The following HUWE1 variants were observed in gnomAD, a reference collection of about 807,000 sequenced individuals.
HUWE1 encodes HECT, UBA and WWE domain containing E3 ubiquitin protein ligase 1.
Under a neutral mutation model 299.4 loss-of-function variants are expected in HUWE1, and 18 were observed. The ratio of observed to expected loss-of-function variants is 0.06; its 90% CI spans 0.04 to 0.09. The LOEUF is 0.09. Ranked by LOEUF, HUWE1 falls within the 10% of genes least tolerant of loss-of-function variation. The probability of loss-of-function intolerance (pLI) is 1.00; values close to 1 mark genes in which losing one functional copy is unlikely to be tolerated. For missense variants in HUWE1, 1,832 were observed against 3,462.3 expected, an observed-to-expected ratio of 0.53 and a Z score of 11.82; for synonymous variants, 1,317 against 1,286.1, an observed-to-expected ratio of 1.02 and a Z score of -0.51.
chrX:53,607,721 A>T lies in HUWE1; in HGVS notation c.2320-22T>A, dbSNP rs201870800. The T allele has an allele frequency of 1.1e-4, 116 of 1,089,506 alleles. No individual in the cohort carries two copies. The African/African-American group carries it at 1.9e-3, about 18-fold the overall frequency. 89.8% of individuals were successfully genotyped at this position (1,089,506 alleles called of 1,213,427 possible). ...TCATCTAGGTAATAAAAATTTTTTA[A>T]AGAAGTTAGAGCCTGACAGGTGGAA... On this transcript the variant is annotated intron_variant, in intron 24 of 83. Transcript: ENST00000262854.
chrX:53,566,984 C>T (rs1683676749), intron 49 of HUWE1, among the ~76,000 whole-genome samples: 1 of 111,389 alleles, frequency 9.0e-6, no homozygotes, highest in Admixed American at 9.5e-5. Context: ...TCAAAACACT[C>T]TCCCTCAGAG....
chrX:53,544,503 G>C lies in HUWE1; in HGVS notation c.11251+57C>G, dbSNP rs189563757. The C allele has an allele frequency of 0.026, 25,275 of 987,074 alleles. 578 individuals are homozygous for C. The highest frequency in any genetic ancestry group is 0.15 in the Admixed American group (6,531 of 43,069). 81.3% of individuals were successfully genotyped at this position (987,074 alleles called of 1,213,427 possible). A position where few individuals can be genotyped will look rare whatever the true frequency, so the allele number is the denominator to read the frequency against. On this transcript the variant is annotated intron_variant, in intron 72 of 83. Coordinates refer to ENST00000262854, the MANE Select transcript of HUWE1 (RefSeq NM_031407.7). Reference sequence around the variant, plus strand: ...GGCCGTTAAGTCCTGCACCTCCAAGGAATCTGGCTTTACCGCCACCAACCC... The same window carrying C: ...GGCCGTTAAGTCCTGCACCTCCAAGCAATCTGGCTTTACCGCCACCAACCC...
intron 82 of HUWE1, 118 bp from the exon 83 acceptor site, chrX:53,534,315 G>T: frequency 1.4e-6 from 1 of 736,493 alleles, no homozygotes; most frequent in Non-Finnish European, 2.1e-6. Flanking sequence ...CCCTTCTGTG[G>T]GATGAGCTTT....
intron 7 of HUWE1, among the ~76,000 whole-genome samples, chrX:53,644,800 C>T (rs1464773117): frequency 8.9e-6 from 1 of 111,968 alleles, no homozygotes; most frequent in African/African-American, 3.3e-5. Context: ...TCTGGGAACA[C>T]TGGACAATAG....
At chrX:53,536,291 T>TG (rs781918213) in intron 79 of HUWE1, 39 bp from the exon 80 acceptor site, 60 of 1,146,871 alleles carry the variant, frequency 5.2e-5, no homozygotes, top group Middle Eastern at 2.4e-4. Flanking sequence ...GGTTTGCGAG[T>TG]GGGGGGGAAG....
intron 43 of HUWE1, among the ~76,000 whole-genome samples, chrX:53,580,367 A>T (rs1343066113): frequency 4.5e-5 from 5 of 112,252 alleles, no homozygotes; most frequent in African/African-American, 1.6e-4. Context: ...ATTTTTGAAG[A>T]GTCTAGGCCA....
At chrX:53,617,471 A>G in intron 19 of HUWE1, 25 bp from the exon 20 acceptor site, 1 of 945,059 alleles carries the variant, frequency 1.1e-6, no homozygotes, top group Non-Finnish European at 1.5e-6. Flanking sequence ...GAAAATATGG[A>G]AAACTGAGAG....
chrX:53,554,301 C>G (rs781831342), intron 61 of HUWE1, among the ~76,000 whole-genome samples: 17 of 110,082 alleles, frequency 1.5e-4, no homozygotes, highest in African/African-American at 5.6e-4. Context: ...TCAAATGATC[C>G]CCCTGCCTCA....
At chrX:53,542,844 G>GT in intron 73 of HUWE1, 1 of 227,918 alleles carries the variant, frequency 4.4e-6, no homozygotes, top group South Asian at 5.1e-5. Context: ...GTCTTCTTCT[G>GT]TTGTGTGTGT....
chrX:53,625,104 A>T lies in HUWE1; in HGVS notation c.1591+53T>A, dbSNP rs782021185. 4 of 786,598 alleles carry T rather than the reference A, an allele frequency of 5.1e-6. No individual in the cohort carries two copies. In the East Asian group the frequency reaches 1.3e-4, roughly 25 times the overall value. 64.8% of individuals were successfully genotyped at this position (786,598 alleles called of 1,213,427 possible). A position where few individuals can be genotyped will look rare whatever the true frequency, so the allele number is the denominator to read the frequency against. On this transcript the variant is annotated intron_variant, in intron 18 of 83. Coordinates refer to ENST00000262854, the MANE Select transcript of HUWE1 (RefSeq NM_031407.7). ...GTGCCAGAATAGTATGAAAAGAACC[A>T]ATCTTTGAGAGAGTAAAATATCCTC...
At chrX:53,538,523 G>C (rs1403082763) in intron 76 of HUWE1, 69 bp from the exon 77 acceptor site, 27 of 737,873 alleles carry the variant, frequency 3.7e-5, no homozygotes, top group Non-Finnish European at 5.1e-5. Flanking sequence ...CAGCCAACCA[G>C]CTAGCAACTC....
At chrX:53,638,209 G>A (rs983301296) in intron 7 of HUWE1, among the ~76,000 whole-genome samples, 16 of 111,239 alleles carry the variant, frequency 1.4e-4, no homozygotes, top group Non-Finnish European at 5.7e-5. Flanking sequence ...GCATGGTGAC[G>A]GGCGCCTGTA....
intron 25 of HUWE1, among the ~76,000 whole-genome samples, chrX:53,605,960 T>G (rs1212879932): frequency 2.7e-5 from 3 of 111,382 alleles, no homozygotes; most frequent in African/African-American, 9.8e-5. Flanking sequence ...TCAAAATGGA[T>G]TAAAGACCTG....
Position 53,560,208 on chromosome X carries a change from G to A in HUWE1, c.7716C>T (p.Asn2572=). ...HVHYPGNRQP[N]PPLILQRLLG... is the part of the protein sequence containing the mutation. ...CTCACCTCTGCAGTATAAGAGGAGGGTTGGGCTGGCGATTCCCAGGGTAGT... is the reference window on the plus strand; with the variant it reads ...CTCACCTCTGCAGTATAAGAGGAGGATTGGGCTGGCGATTCCCAGGGTAGT... The change falls in exon 56 of 84, where the codon AAC becomes AAT. Residue 2572 remains asparagine, a synonymous_variant. Coordinates refer to ENST00000262854, the MANE Select transcript of HUWE1 (RefSeq NM_031407.7). The A allele has an allele frequency of 8.4e-7, 1 of 1,190,833 alleles. No homozygotes were observed. The highest frequency in any genetic ancestry group is 1.1e-6 in the Non-Finnish European group (1 of 884,763).
chrX:53,538,720 ACACACTCTCTCTCT>A (rs1265517279), intron 76 of HUWE1, 101 bp downstream of exon 76: 7 of 564,242 alleles, frequency 1.2e-5, no homozygotes, highest in East Asian at 9.9e-5. Flanking sequence ...ACACACACAC[ACACACTCTCTCTCT>A]CTCTCTCTCT....
In HUWE1 at chrX:53,573,322, T is replaced by C. The variant is rs113818108; in HGVS notation, c.6312+428A>G. On this transcript the variant is annotated intron_variant, in intron 47 of 83. Transcript: ENST00000262854. ...GTGCGATCTTGGCTCACTGCAATCT[T>C]TGCCTCCTGGGTTCAAGTGATTCCC... Among the ~76,000 whole-genome samples the C allele has an allele frequency of 4.1e-3, 446 of 109,038 alleles. 2 individuals are homozygous for C. Among genetic ancestry groups the C allele is most frequent in the African/African-American group, 0.015 (433 of 28,576 alleles). 94.7% of individuals were successfully genotyped at this position (109,038 alleles called of 115,157 possible). A position where few individuals can be genotyped will look rare whatever the true frequency, so the allele number is the denominator to read the frequency against.
At chrX:53,543,992 G>A in intron 72 of HUWE1, 24 bp from the exon 73 acceptor site, 1 of 1,154,887 alleles carries the variant, frequency 8.7e-7, no homozygotes, top group Non-Finnish European at 1.2e-6. Context: ...AAAGAGGAAG[G>A]CAAGATATAA....
chrX:53,624,480 G>T lies in HUWE1; in HGVS notation c.1672+115C>A, dbSNP rs1457115860. On this transcript the variant is annotated intron_variant, in intron 19 of 83. Transcript: ENST00000262854. ...CCACTACACTCCAGCCTGGGCAATA[G>T]AGTGAGACTCTGTCTCAAAAATAAA... is the stretch of plus-strand genomic sequence containing the variant. The T allele has an allele frequency of 5.3e-6, 3 of 560,997 alleles. No individual in the cohort carries two copies. The African/African-American group carries it at 6.9e-5, about 13-fold the overall frequency. The allele number at this position is 560,997 out of a possible 1,213,427, so 46.2% of individuals were successfully genotyped here.
In HUWE1 at chrX:53,546,473, T is replaced by C; in HGVS notation, c.10878A>G (p.Gly3626=). Residue 3626 remains glycine (G), a synonymous_variant, in exon 70 of 84, where the codon GGA becomes GGG. Transcript: ENST00000262854. ...AAAGGGTATAACCCAGATGGCGGGC[T>C]CCATTCAGTAGCAGCTTGAGAACAG... ...RDTVLKLLLN[G]ARHLGYTLCK... is the part of the protein sequence containing the mutation. 2 of 1,210,919 alleles carry C rather than the reference T, an allele frequency of 1.7e-6. No homozygotes were observed. The highest frequency in any genetic ancestry group is 2.2e-6 in the Non-Finnish European group (2 of 895,032).
Sources: gnomAD v4.1 joint callset for allele counts (sites outside exome capture counted in the v4.1 genomes callset) on GRCh38, gnomAD v4.1.1 for gene constraint, MANE v1.5 for transcripts, NCBI Gene and HGNC (gene_info 2026-07-23, HGNC 2026-07-21) for gene names.